TTN: variants seen among roughly 807,000 people sequenced by gnomAD.
The protein encoded by TTN is titin, also known as connectin.
Under a neutral mutation model 3,223.0 loss-of-function variants are expected in TTN, and 1,525 were observed. The ratio of observed to expected loss-of-function variants is 0.47; its 90% CI spans 0.45 to 0.49. TTN has a LOEUF of 0.49. Ranked by LOEUF, TTN falls within the 20% of genes least tolerant of loss-of-function variation. The pLI, the probability that TTN is intolerant of heterozygous loss-of-function variation, is 0.00. For missense variants in TTN, 40,786 were observed against 43,424.0 expected, an observed-to-expected ratio of 0.94 and a Z score of 5.40; for synonymous variants, 14,094 against 15,161.0, an observed-to-expected ratio of 0.93 and a Z score of 5.17.
chr2:178,804,734 A>G, intron 1 of TTN, 79 bp from the exon 2 acceptor site: 1 of 1,293,436 alleles, frequency 7.7e-7, no homozygotes, highest in Non-Finnish European at 1.1e-6. Flanking sequence ...GCAGAGACAC[A>G]CGTTTCTCCA....
At chr2:178,724,772 G>T in intron 71 of TTN, 2 of 374,856 alleles carry the variant, frequency 5.3e-6, no homozygotes, top group South Asian at 1.1e-4. Flanking sequence ...CACCACTCTT[G>T]CTGTCGTCTT....
intron 136 of TTN, 84 bp downstream of exon 136, chr2:178,681,577 C>T: frequency 6.8e-7 from 1 of 1,471,166 alleles, no homozygotes; most frequent in Non-Finnish European, 9.3e-7. Context: ...TTGTACACTG[C>T]CACTTTTACA....
chr2:178,735,369 C>A (rs2081269337), intron 50 of TTN, 142 bp downstream of exon 50: 1 of 860,186 alleles, frequency 1.2e-6, no homozygotes, highest in South Asian at 2.7e-5. Context: ...CAAACAATGC[C>A]AGGACTTTCC....
rs564173285 is a variant in TTN at position 178,663,877 on chromosome 2, G to A, written c.36390C>T (p.Ile12130=). ...GAGCCAAGGGCACTTTCTCTTCGCGGATAACCTCTTTGGAAGCTTCTGGCA... is the reference window on the plus strand; with the variant it reads ...GAGCCAAGGGCACTTTCTCTTCGCGAATAACCTCTTTGGAAGCTTCTGGCA... ...VKVPEASKEV[I]REEKVPLAPP... Residue 12130 remains isoleucine, a synonymous_variant, in exon 170 of 363, where the codon ATC becomes ATT. Transcript: ENST00000589042. 2.1e-5 allele frequency: 34 copies of A among 1,613,350 alleles called. No individual in the cohort carries two copies. In the Middle Eastern group the frequency reaches 1.0e-3, roughly 48 times the overall value.
intron 41 of TTN, among the ~76,000 whole-genome samples, chr2:178,765,448 T>C (rs1022197953): frequency 2.6e-5 from 4 of 152,134 alleles, no homozygotes; most frequent in Admixed American, 2.6e-4. Context: ...AACCCAGAAA[T>C]TAGAAGAAAT....
At position 178,719,351 on chromosome 2, in the gene TTN, C is replaced by T. The variant is rs768390615; in HGVS notation, c.24039G>A (p.Pro8013=). 1.2e-5 allele frequency: 19 copies of T among 1,613,606 alleles called. No individual in the cohort carries two copies. Among genetic ancestry groups the T allele is most frequent in the African/African-American group, 2.7e-5 (2 of 74,886 alleles). The change falls in exon 83 of 363, where the codon CCG becomes CCA. Residue 8013 remains proline (P), a synonymous_variant. Coordinates refer to ENST00000589042, the MANE Select transcript of TTN (RefSeq NM_001267550.2). ...CATCCTGAAACCAGCCAACTGAAAT[C>T]GGGGCTGAGCCAGAGACTCGGCACT... is the stretch of plus-strand genomic sequence containing the variant. ...VLECRVSGSA[P]ISVGWFQDGN... is the part of the protein sequence containing the mutation.
At position 178,795,029 on chromosome 2, in the gene TTN, A is replaced by G; in HGVS notation, c.1138T>C (p.Tyr380His). The G allele has an allele frequency of 6.2e-7, 1 of 1,612,740 alleles. No homozygotes were observed. The change falls in exon 7 of 363, where the codon TAC becomes CAC. Residue 380 changes from tyrosine (Y) to histidine (H), a missense_variant. By Grantham distance (83) the Tyr-to-His change is moderately conservative. Coordinates refer to ENST00000589042, the MANE Select transcript of TTN (RefSeq NM_001267550.2). ...IRTEERWEGRYGVQEQVTISG... is the reference protein window; with the variant it reads ...IRTEERWEGRHGVQEQVTISG... ...ATGGTCACTTGCTCCTGGACACCGT[A>G]TCTCCCTTCCCATCTCTCTTCTGTC...
At chr2:178,753,069 A>T in intron 47 of TTN, 55 bp downstream of exon 47, 2 of 1,461,492 alleles carry the variant, frequency 1.4e-6, no homozygotes, top group East Asian at 2.3e-5. Flanking sequence ...CAACTCAAGG[A>T]TCCTATTAAT....
Position 178,601,280 on chromosome 2 carries a change from C to A in TTN, c.55717G>T (p.Ala18573Ser). The stretch of plus-strand genomic sequence containing the variant: ...TAAAGCTTACATATCGGATCTCTGG[C>A]AGTGGTCCTCTGAATGGTTTCCACA... ...PPVETIQRTT[A>S]RDPIYPPDPP... The change falls in exon 287 of 363, where the codon GCC (alanine) becomes TCC (serine). Residue 18573 changes from alanine to serine, a missense_variant. Ala to Ser is a moderately conservative substitution (Grantham distance 99). Transcript: ENST00000589042. 1 of 1,554,598 alleles carries A rather than the reference C, an allele frequency of 6.4e-7. No individual in the cohort carries two copies. Among genetic ancestry groups the A allele is most frequent in the Non-Finnish European group, 8.7e-7 (1 of 1,154,060 alleles).
rs2082376907 is a variant in TTN, at chr2:178,740,946, T to C, written c.12287A>G (p.His4096Arg). 3.1e-6 allele frequency: 5 copies of C among 1,613,842 alleles called. No individual in the cohort carries two copies. Among genetic ancestry groups the C allele is most frequent in the Non-Finnish European group, 4.2e-6 (5 of 1,179,858 alleles). Residue 4096 changes from histidine (H) to arginine (R), a missense_variant, in exon 48 of 363, where the codon CAT (histidine) becomes CGT (arginine). Physicochemically the swap from His to Arg is conservative, Grantham distance 29. Transcript: ENST00000589042. Reference protein sequence around the residue: ...TEENQQLSYEHIAKANELSSQ... With the variant: ...TEENQQLSYERIAKANELSSQ... ...GCTCAATTCATTGGCTTTAGCAATA[T>C]GCTCATAAGATAGTTGCTGGTTTTC...
chr2:178,622,771 T>A lies in TTN; in HGVS notation c.44816-4A>T. 6.3e-7 allele frequency: 1 copy of A among 1,588,862 alleles called. No individual in the cohort carries two copies. The highest frequency in any genetic ancestry group is 8.6e-7 in the Non-Finnish European group (1 of 1,164,556). On this transcript the variant is annotated splice_region_variant and splice_polypyrimidine_tract_variant and intron_variant, in intron 242 of 362. Transcript: ENST00000589042. The stretch of plus-strand genomic sequence containing the variant: ...CTTAAGAATTCCACATGAGGAGCTG[T>A]AAGAGAATGTCATCAGAATTCAAAA...
Position 178,717,178 on chromosome 2 carries a change from C to A in TTN, c.25556G>T (p.Gly8519Val). Reference protein sequence around the residue: ...NTATLTVLKVGKGDAGQYTCY... With the variant: ...NTATLTVLKVVKGDAGQYTCY... ...GGTGTACTGCCCGGCATCGCCTTTG[C>A]CTACTTTGAGAACTGTCAGAGTGGC... Residue 8519 changes from glycine to valine, a missense_variant, in exon 88 of 363, where the codon GGC becomes GTC. By Grantham distance (109) the Gly-to-Val change is moderately radical. Transcript: ENST00000589042. 1 of 1,613,642 alleles carries A rather than the reference C, an allele frequency of 6.2e-7. No individual in the cohort carries two copies. Among genetic ancestry groups the A allele is most frequent in the Non-Finnish European group, 8.5e-7 (1 of 1,179,664 alleles).
rs753744867 is a variant in TTN, at chr2:178,722,392, T to C, written c.22395A>G (p.Leu7465=). ...CCACATTATCTACAAATGAAGTCTG[T>C]AGATTTTCATCGTCTCTTAAAAGTA... ...DGVLLRDDEN[L]QTSFVDNVAT... Residue 7465 remains leucine, a synonymous_variant, in exon 77 of 363, where the codon CTA becomes CTG. Transcript: ENST00000589042. 21 of 1,613,354 alleles carry C rather than the reference T, an allele frequency of 1.3e-5. No individual in the cohort carries two copies. The highest frequency in any genetic ancestry group is 1.8e-5 in the Non-Finnish European group (21 of 1,179,592).
At chr2:178,719,880 T>C (rs1160339167) in intron 81 of TTN, 48 bp from the exon 82 acceptor site, 5 of 1,561,958 alleles carry the variant, frequency 3.2e-6, no homozygotes, top group East Asian at 2.3e-5. Flanking sequence ...CCTTTCAAAC[T>C]CAAGAGTGCA....
chr2:178,599,221 G>A lies in TTN; in HGVS notation c.56572C>T (p.Arg18858Ter), dbSNP rs745376275. Residue 18858 changes from arginine (R) to a stop codon, truncating the protein, a stop_gained, in exon 290 of 363, where the codon CGA becomes TGA. Coordinates refer to ENST00000589042, the MANE Select transcript of TTN (RefSeq NM_001267550.2). LOFTEE classifies it high-confidence loss of function. ...KLLEGHEYVF[R>*]IMAQNKYGIG... The stretch of plus-strand genomic sequence containing the variant: ...CCATATTTATTCTGGGCCATGATTC[G>A]GAATACATATTCATGGCCTTCTAGC... 8 of 1,529,092 alleles carry A rather than the reference G, an allele frequency of 5.2e-6. No individual in the cohort carries two copies. The highest frequency in any genetic ancestry group is 2.2e-5 in the Admixed American group (1 of 46,014). 94.7% of individuals were successfully genotyped at this position (1,529,092 alleles called of 1,614,324 possible).
Position 178,766,613 on chromosome 2 carries a change from C to T in TTN, c.9472-1G>A. 6.2e-7 allele frequency: 1 copy of T among 1,610,956 alleles called. No homozygotes were observed. The highest frequency in any genetic ancestry group is 8.5e-7 in the Non-Finnish European group (1 of 1,177,618). ...CAACAGCACGCTGTTTCTCAATGAC[C>T]TGTTGATGGAACAACATAAAAAAAC... On this transcript the variant is annotated splice_acceptor_variant, in intron 40 of 362. Transcript: ENST00000589042. LOFTEE classifies it high-confidence loss of function.
chr2:178,678,146 C>CT lies in TTN; in HGVS notation c.33972dup (p.Val11325SerfsTer13). 6.2e-7 allele frequency: 1 copy of CT among 1,611,174 alleles called. No homozygotes were observed. Among genetic ancestry groups the CT allele is most frequent in the Non-Finnish European group, 8.5e-7 (1 of 1,178,916 alleles). ...GTACCTTTGGGTGGTGGTGCTTCCACTTTTTTCGGAACAGGTGTTGGTTTC... is the reference window on the plus strand; with the variant it reads ...GTACCTTTGGGTGGTGGTGCTTCCACTTTTTTTCGGAACAGGTGTTGGTTTC... On this transcript the variant is annotated frameshift_variant, in exon 145 of 363. Transcript: ENST00000589042. LOFTEE classifies it high-confidence loss of function.
In TTN at chr2:178,563,138, A is replaced by C. The variant is rs1704304364; in HGVS notation, c.82994T>G (p.Val27665Gly). Residue 27665 changes from valine (V) to glycine (G), a missense_variant, in exon 326 of 363, where the codon GTT becomes GGT. Coordinates refer to ENST00000589042, the MANE Select transcript of TTN (RefSeq NM_001267550.2). The surrounding 1 kb of genome is among the most constrained non-coding windows in gnomAD (Gnocchi z 4.5). ...TGGTGGCTCTATCCTCTCCTGAGCAACCACTGAGCCAGGTAGAGTTGCAGG... is the reference window on the plus strand; with the variant it reads ...TGGTGGCTCTATCCTCTCCTGAGCACCCACTGAGCCAGGTAGAGTTGCAGG... Reference protein sequence around the residue: ...GEPATLPGSVVAQERIEPPEI... With the variant: ...GEPATLPGSVGAQERIEPPEI... The C allele has an allele frequency of 6.2e-7, 1 of 1,613,718 alleles. No homozygotes were observed. Among genetic ancestry groups the C allele is most frequent in the South Asian group, 1.1e-5 (1 of 91,086 alleles).
chr2:178,598,478 G>T, intron 292 of TTN, 28 bp downstream of exon 292: 1 of 1,601,066 alleles, frequency 6.2e-7, no homozygotes, highest in Non-Finnish European at 8.5e-7. Flanking sequence ...TATTCATAGT[G>T]CATTTCCTTA....
Sources: gnomAD v4.1 joint callset for allele counts (sites outside exome capture counted in the v4.1 genomes callset) on GRCh38, gnomAD v4.1.1 for gene constraint, Gnocchi (gnomAD v3.1) non-coding constraint, MANE v1.5 for transcripts, NCBI Gene and HGNC (gene_info 2026-07-23, HGNC 2026-07-21) for gene names.